PRKAG3: variants seen among roughly 807,000 people sequenced by gnomAD.
PRKAG3 encodes 5'-AMP-activated protein kinase subunit gamma-3.
In PRKAG3, 39 loss-of-function variants were observed where a neutral mutation model predicts 56.5. That is an observed-to-expected ratio of 0.69 (90% confidence interval 0.53 to 0.90). PRKAG3 has a LOEUF of 0.90. Ranked by LOEUF, PRKAG3 falls within the 40% of genes least tolerant of loss-of-function variation. The probability of loss-of-function intolerance (pLI) is 0.00; values close to 1 mark genes in which losing one functional copy is unlikely to be tolerated. For missense variants in PRKAG3, 628 were observed against 627.5 expected (o/e 1.00, Z -0.01); for synonymous variants, 243 against 250.1 (o/e 0.97, Z 0.27).
chr2:218,830,997 A>G, intron 2 of PRKAG3, 96 bp from the exon 3 acceptor site: 4 of 1,403,466 alleles, frequency 2.9e-6, no homozygotes, highest in South Asian at 1.2e-5. Context: ...CAAGCTTCCA[A>G]TGGGCTTTTC....
chr2:218,830,612 G>T, intron 3 of PRKAG3, 134 bp downstream of exon 3: 1 of 1,233,086 alleles, frequency 8.1e-7, no homozygotes, highest in Non-Finnish European at 1.1e-6. Context: ...TATGTAGGGA[G>T]ACTGAGGCCA....
chr2:218,826,901 C>T (rs1943940123), intron 10 of PRKAG3, 27 bp downstream of exon 10: 6 of 1,613,476 alleles, frequency 3.7e-6, no homozygotes, highest in Non-Finnish European at 1.7e-6. Flanking sequence ...CAGCCCAGCC[C>T]GAGCCTCTCA....
rs1943945500 is a variant in PRKAG3, at chr2:218,827,165, G to A, written c.1003-72C>T. On this transcript the variant is annotated intron_variant, in intron 9 of 12. Transcript: ENST00000529249. The surrounding 1 kb of genome is among the most constrained non-coding windows in gnomAD (Gnocchi z 5.3). ...AAGAGGGCTCCCAGCTCTTCCCCAC[G>A]ACTGCTAGGGCTGAAGACTCCTCAG... is the stretch of plus-strand genomic sequence containing the variant. 12 of 1,612,788 alleles carry A rather than the reference G, an allele frequency of 7.4e-6. No individual in the cohort carries two copies. The highest frequency in any genetic ancestry group is 1.8e-4 in the Middle Eastern group (1 of 5,408).
chr2:218,830,444 T>G, intron 3 of PRKAG3, 63 bp from the exon 4 acceptor site: 1 of 1,546,398 alleles, frequency 6.5e-7, no homozygotes. Flanking sequence ...TCTCATCTGC[T>G]GTCGCCATTC....
intron 4 of PRKAG3, 54 bp from the exon 5 acceptor site, chr2:218,828,654 C>A (rs1011676828): frequency 5.4e-6 from 8 of 1,482,116 alleles, no homozygotes; most frequent in Middle Eastern, 1.7e-4. Context: ...CCTCACCCCC[C>A]TCTCTGCCCC....
chr2:218,829,897 G>T (rs1177669867), intron 4 of PRKAG3, 81 bp downstream of exon 4: 2 of 1,558,846 alleles, frequency 1.3e-6, no homozygotes, highest in South Asian at 1.1e-5. Flanking sequence ...GCTCAGCAGG[G>T]CATCCTGCAG....
chr2:218,827,534 G>A lies in PRKAG3; in HGVS notation c.875+41C>T. 1 of 1,606,334 alleles carries A rather than the reference G, an allele frequency of 6.2e-7. No homozygotes were observed. The highest frequency in any genetic ancestry group is 8.5e-7 in the Non-Finnish European group (1 of 1,173,034). ...CTGAGTGGGACTGGGGAAGGGGACTGTGGGAGGAGGAGGCTCAGGTGAATG... is the reference window on the plus strand; with the variant it reads ...CTGAGTGGGACTGGGGAAGGGGACTATGGGAGGAGGAGGCTCAGGTGAATG... On this transcript the variant is annotated intron_variant, in intron 8 of 12. Coordinates refer to ENST00000529249, the Ensembl canonical transcript of PRKAG3. This position sits in a 1 kb window ranked among gnomAD's most constrained non-coding sequence, Gnocchi z 5.3.
At position 218,827,743 on chromosome 2, in the gene PRKAG3, C is replaced by A. The variant is rs1324011016; in HGVS notation, c.820+90G>T. 2.6e-6 allele frequency: 4 copies of A among 1,558,888 alleles called. No homozygotes were observed. The highest frequency in any genetic ancestry group is 3.5e-6 in the Non-Finnish European group (4 of 1,130,308). ...AGGCTCCTATTGTCCCTCCCCTGTT[C>A]ACTCCAGGACATCCCCACTGCCCAT... On this transcript the variant is annotated intron_variant, in intron 7 of 12. Transcript: ENST00000529249. The surrounding 1 kb of genome is among the most constrained non-coding windows in gnomAD (Gnocchi z 5.3).
In PRKAG3 at chr2:218,827,951, C is replaced by T. The variant is rs1395570957; in HGVS notation, c.774+53G>A. The T allele has an allele frequency of 1.9e-6, 3 of 1,600,836 alleles. No individual in the cohort carries two copies. The highest frequency in any genetic ancestry group is 1.3e-5 in the African/African-American group (1 of 74,840). ...AGGGCACCAGGCTCCAGGAGGACTC[C>T]CCTCCGCCCCCGCCCCTCTGGGTGC... On this transcript the variant is annotated intron_variant, in intron 6 of 12. Transcript: ENST00000529249. The surrounding 1 kb of genome is among the most constrained non-coding windows in gnomAD (Gnocchi z 5.3).
At chr2:218,824,460 C>A (rs1943901994) in intron 11 of PRKAG3, 79 bp downstream of exon 11, 1 of 1,609,638 alleles carries the variant, frequency 6.2e-7, no homozygotes, top group Non-Finnish European at 8.5e-7. Flanking sequence ...GTCAAGGTCC[C>A]CCTGGTCCAC....
rs746883787 is a variant in PRKAG3 at position 218,827,421 on chromosome 2, A to G, written c.876-48T>C. The G allele has an allele frequency of 3.7e-6, 6 of 1,613,022 alleles. No individual in the cohort carries two copies. The highest frequency in any genetic ancestry group is 2.2e-5 in the South Asian group (2 of 90,964). ...CCTCGGGGCAGCCTAGGGAGAGACAACCTCCATCCCAGGCCCCTAAAAAGG... is the reference window on the plus strand; with the variant it reads ...CCTCGGGGCAGCCTAGGGAGAGACAGCCTCCATCCCAGGCCCCTAAAAAGG... On this transcript the variant is annotated intron_variant, in intron 8 of 12. Coordinates refer to ENST00000529249, the Ensembl canonical transcript of PRKAG3. The surrounding 1 kb of genome is among the most constrained non-coding windows in gnomAD (Gnocchi z 5.3).
exon 12 of PRKAG3, chr2:218,824,342 G>T (rs1318586367): frequency 3.1e-6 from 5 of 1,614,024 alleles, no homozygotes; most frequent in Non-Finnish European, 3.4e-6. Context: ...TGTCCAGGTG[G>T]TTGTAGGTTT....
At chr2:218,826,901 C>A in intron 10 of PRKAG3, 27 bp downstream of exon 10, 1 of 1,613,474 alleles carries the variant, frequency 6.2e-7, no homozygotes, top group Non-Finnish European at 8.5e-7. Context: ...CAGCCCAGCC[C>A]GAGCCTCTCA....
At chr2:218,826,982 G>A (rs1246909991) in exon 10 of PRKAG3, 2 of 1,614,104 alleles carry the variant, frequency 1.2e-6, no homozygotes, top group Non-Finnish European at 1.7e-6. Context: ...AAGATGTCCA[G>A]TGCAGTCAGG....
Position 218,828,618 on chromosome 2 carries a change from A to C in PRKAG3, c.634-18T>G, listed in dbSNP as rs779403037. The C allele has an allele frequency of 3.7e-6, 6 of 1,609,814 alleles. No individual in the cohort carries two copies. The East Asian group carries it at 8.9e-5, about 24-fold the overall frequency. On this transcript the variant is annotated intron_variant, in intron 4 of 12. Transcript: ENST00000529249. ...TTCTTGATCTGAGGGGCCAGGGAGAACAGTCAAGGGTGGGTCCCGAGAGAC... is the reference window on the plus strand; with the variant it reads ...TTCTTGATCTGAGGGGCCAGGGAGACCAGTCAAGGGTGGGTCCCGAGAGAC...
exon 13 of PRKAG3, chr2:218,823,622 G>A: frequency 6.4e-7 from 1 of 1,558,080 alleles, no homozygotes. Flanking sequence ...AGAGGCTGGT[G>A]TCATGGCCCA....
At chr2:218,824,647 G>A (rs1398310191) in intron 10 of PRKAG3, 71 bp from the exon 11 acceptor site, 19 of 1,386,088 alleles carry the variant, frequency 1.4e-5, no homozygotes, top group Non-Finnish European at 1.6e-5. Context: ...CCGGGGTGCT[G>A]TGTAGAGGGC....
chr2:218,831,614 C>T, intron 1 of PRKAG3, 124 bp downstream of exon 1: 1 of 1,328,946 alleles, frequency 7.5e-7, no homozygotes, highest in South Asian at 1.3e-5. Context: ...TGCCCATATT[C>T]ACGAGAAAAT....
rs774847730 is a variant in PRKAG3, at chr2:218,827,552, G to A, written c.875+23C>T. The A allele has an allele frequency of 5.0e-6, 8 of 1,611,716 alleles. No homozygotes were observed. The East Asian group carries it at 1.8e-4, about 36-fold the overall frequency. On this transcript the variant is annotated intron_variant, in intron 8 of 12. Transcript: ENST00000529249. This position sits in a 1 kb window ranked among gnomAD's most constrained non-coding sequence, Gnocchi z 5.3. ...GGGGACTGTGGGAGGAGGAGGCTCA[G>A]GTGAATGAGCAGAGACACCCACCTA...
Sources: allele counts gnomAD v4.1 joint callset, GRCh38; gene constraint gnomAD v4.1.1; non-coding constraint Gnocchi (gnomAD v3.1); transcripts MANE v1.5; gene names NCBI Gene and HGNC (gene_info 2026-07-23, HGNC 2026-07-21).